SDK1: variants seen among roughly 807,000 people sequenced by gnomAD.
The protein encoded by SDK1 is sidekick cell adhesion molecule 1.
SDK1 carries 157 observed loss-of-function variants against 245.5 expected under a neutral mutation model. The observed-to-expected ratio is 0.64, with a 90% CI of 0.56 to 0.73. The LOEUF (loss-of-function observed/expected upper bound fraction) is 0.73. SDK1 is among the 30% of genes least tolerant of loss of function. The pLI, the probability that SDK1 is intolerant of heterozygous loss-of-function variation, is 0.00. For synonymous variants in SDK1, 1,647 were observed against 1,278.5 expected, an observed-to-expected ratio of 1.29 and a Z score of -6.15; for missense variants, 3,583 against 3,002.3, an observed-to-expected ratio of 1.19 and a Z score of -4.52.
At chr7:4,067,248 G>C (rs571758620) in intron 19 of SDK1, among the ~76,000 whole-genome samples, 5 of 152,202 alleles carry the variant, frequency 3.3e-5, no homozygotes, top group Non-Finnish European at 7.3e-5. Context: ...CTGCCTGCCC[G>C]TGTTAGCAAG....
intron 1 of SDK1, among the ~76,000 whole-genome samples, chr7:3,616,799 G>T (rs1038000230): frequency 2.0e-5 from 3 of 152,106 alleles, no homozygotes; most frequent in African/African-American, 7.2e-5. Flanking sequence ...ACTAGTTTCA[G>T]TGTTAACATT....
chr7:3,594,388 A>G (rs995375221), intron 1 of SDK1, among the ~76,000 whole-genome samples: 4 of 152,186 alleles, frequency 2.6e-5, no homozygotes, highest in African/African-American at 7.2e-5. Flanking sequence ...CTTTTTGGCT[A>G]TCATGAATAA....
intron 5 of SDK1, among the ~76,000 whole-genome samples, chr7:3,840,983 G>T (rs1369601455): frequency 6.6e-6 from 1 of 152,170 alleles, no homozygotes; most frequent in Non-Finnish European, 1.5e-5. Flanking sequence ...GGAGTGGCTG[G>T]GGATGTGTTA....
chr7:4,178,413 C>A, intron 34 of SDK1, 72 bp from the exon 35 acceptor site: 3 of 1,133,208 alleles, frequency 2.6e-6, no homozygotes, highest in South Asian at 1.2e-5. Flanking sequence ...CATTGTGGTT[C>A]ATAGGGGGAA....
At chr7:4,236,129 C>A (rs1448919680) in intron 41 of SDK1, among the ~76,000 whole-genome samples, 1 of 152,224 alleles carries the variant, frequency 6.6e-6, no homozygotes, top group Non-Finnish European at 1.5e-5. Context: ...ATCCCCTATT[C>A]GTGAGATATA....
intron 2 of SDK1, among the ~76,000 whole-genome samples, chr7:3,634,771 A>C (rs765415398): frequency 4.6e-5 from 7 of 152,246 alleles, no homozygotes; most frequent in Non-Finnish European, 7.3e-5. Flanking sequence ...GTGAGACATT[A>C]GACTAAAGAG....
At chr7:3,730,324 C>T (rs1230240375) in intron 4 of SDK1, among the ~76,000 whole-genome samples, 1 of 152,178 alleles carries the variant, frequency 6.6e-6, no homozygotes, top group Non-Finnish European at 1.5e-5. Flanking sequence ...AATCTGACAG[C>T]CGAGGCATCA....
At chr7:3,759,288 T>C (rs1780025241) in intron 4 of SDK1, among the ~76,000 whole-genome samples, 1 of 152,206 alleles carries the variant, frequency 6.6e-6, no homozygotes, top group African/African-American at 2.4e-5. Context: ...AAAGTGGGAA[T>C]GTTTAATAGG....
At chr7:3,774,021 T>A (rs1018728374) in intron 4 of SDK1, among the ~76,000 whole-genome samples, 9 of 152,062 alleles carry the variant, frequency 5.9e-5, no homozygotes, top group Non-Finnish European at 1.3e-4. Context: ...GAGATCATCC[T>A]GGCTAACATG....
intron 1 of SDK1, among the ~76,000 whole-genome samples, chr7:3,462,807 T>C (rs1780874689): frequency 6.6e-6 from 1 of 152,216 alleles, no homozygotes; most frequent in Non-Finnish European, 1.5e-5. Context: ...GTAGTAGATG[T>C]AGTCTCATCC....
intron 1 of SDK1, among the ~76,000 whole-genome samples, chr7:3,525,776 G>A (rs1783107325): frequency 6.6e-6 from 1 of 151,652 alleles, no homozygotes; most frequent in Non-Finnish European, 1.5e-5. Flanking sequence ...TCTTCTTCCT[G>A]GAATTCTCTA....
intron 35 of SDK1, among the ~76,000 whole-genome samples, chr7:4,198,120 G>A (rs970191209): frequency 5.9e-5 from 9 of 152,182 alleles, no homozygotes; most frequent in African/African-American, 1.9e-4. Context: ...TGCCCTCCTG[G>A]CCTCACTTGC....
At chr7:3,721,997 G>A (rs1440857365) in intron 4 of SDK1, among the ~76,000 whole-genome samples, 1 of 151,990 alleles carries the variant, frequency 6.6e-6, no homozygotes, top group African/African-American at 2.4e-5. Context: ...GAAGGCAGTG[G>A]CAACGATCAT....
chr7:3,666,460 TC>T (rs1056593508), intron 4 of SDK1, among the ~76,000 whole-genome samples: 3 of 152,162 alleles, frequency 2.0e-5, no homozygotes, highest in African/African-American at 7.2e-5. Flanking sequence ...TGAGACCATT[TC>T]CCAGGCTCCT....
intron 12 of SDK1, among the ~76,000 whole-genome samples, chr7:3,972,461 G>A (rs191739759): frequency 1.1e-3 from 166 of 152,322 alleles, no homozygotes; most frequent in Non-Finnish European, 1.7e-3. Context: ...GAGACTCCAG[G>A]TGAAGTTGTG....
At chr7:3,948,313 A>G (rs1014196583) in intron 5 of SDK1, among the ~76,000 whole-genome samples, 1 of 130,078 alleles carries the variant, frequency 7.7e-6, no homozygotes, top group East Asian at 2.3e-4. Flanking sequence ...GCTGGACTGC[A>G]GTGATGCCAT....
At chr7:3,897,381 G>C (rs937750639) in intron 5 of SDK1, among the ~76,000 whole-genome samples, 1 of 152,002 alleles carries the variant, frequency 6.6e-6, no homozygotes, top group Non-Finnish European at 1.5e-5. Context: ...CCCAGCCCCT[G>C]GCACCCACCA....
chr7:3,305,673 T>C (rs2128541635), intron 1 of SDK1, among the ~76,000 whole-genome samples: 1 of 152,310 alleles, frequency 6.6e-6, no homozygotes, highest in Non-Finnish European at 1.5e-5. Context: ...ATAAAGAGTC[T>C]TGCTTAGTGA....
At chr7:3,587,921 A>G (rs957491497) in intron 1 of SDK1, among the ~76,000 whole-genome samples, 11 of 152,258 alleles carry the variant, frequency 7.2e-5, no homozygotes, top group African/African-American at 2.7e-4. Flanking sequence ...CTAAATGTTC[A>G]GTAAACATGT....
Sources: allele counts gnomAD v4.1 joint callset (sites outside exome capture counted in the v4.1 genomes callset), GRCh38; gene constraint gnomAD v4.1.1; transcripts MANE v1.5; gene names NCBI Gene and HGNC (gene_info 2026-07-23, HGNC 2026-07-21).